Variants in TJP1 observed in about 807,000 individuals in gnomAD.
The protein encoded by TJP1 is tight junction protein ZO-1.
A neutral mutation model predicts 194.2 loss-of-function variants in TJP1; 43 were observed. That is an observed-to-expected ratio of 0.22 (90% CI 0.17 to 0.29). TJP1 has a LOEUF of 0.29. TJP1 is among the 10% of genes least tolerant of loss of function. The pLI, the probability that TJP1 is intolerant of heterozygous loss-of-function variation, is 1.00. For missense variants in TJP1, 1,971 were observed against 2,185.7 expected (o/e 0.90, Z 1.96); for synonymous variants, 801 against 779.0 (o/e 1.03, Z -0.47).
At chr15:29,767,136 G>A (rs1406283119) in intron 4 of TJP1, among the ~76,000 whole-genome samples, 1 of 152,186 alleles carries the variant, frequency 6.6e-6, no homozygotes, top group Non-Finnish European at 1.5e-5. Flanking sequence ...CAGTCTAGGT[G>A]CAAATTCTTC....
chr15:29,822,307 C>G lies in TJP1; in HGVS notation c.-279G>C. ...TCGGCCTCCCGCAGCTTTCGCAGCC[C>G]GGCCACGTCGGCCTCGCCCGGTCGC... On this transcript the variant is annotated 5_prime_UTR_variant, in exon 1 of 28. Transcript: ENST00000614355. 1.8e-6 allele frequency: 2 copies of G among 1,111,900 alleles called. No homozygotes were observed. The highest frequency in any genetic ancestry group is 1.1e-6 in the Non-Finnish European group (1 of 910,774). The allele number at this position is 1,111,900 out of a possible 1,614,324, so 68.9% of individuals were successfully genotyped here. A position where few individuals can be genotyped will look rare whatever the true frequency, so the allele number is the denominator to read the frequency against.
At chr15:29,784,753 G>A (rs1384395649) in intron 2 of TJP1, among the ~76,000 whole-genome samples, 2 of 152,260 alleles carry the variant, frequency 1.3e-5, no homozygotes, top group South Asian at 2.1e-4. Flanking sequence ...GAGATACATG[G>A]ATAGGACTGG....
chr15:29,791,275 C>A (rs2048063878), intron 2 of TJP1, among the ~76,000 whole-genome samples: 1 of 152,068 alleles, frequency 6.6e-6, no homozygotes, highest in South Asian at 2.1e-4. Context: ...GATCCGCTCA[C>A]CTTGCCCTCC....
intron 2 of TJP1, among the ~76,000 whole-genome samples, chr15:29,910,475 T>C (rs2152223323): frequency 6.6e-6 from 1 of 152,362 alleles, no homozygotes; most frequent in Admixed American, 6.5e-5. Flanking sequence ...TTTGAAAATA[T>C]TGTCTGGTAT....
At chr15:29,916,473 C>T (rs553923428) in intron 2 of TJP1, among the ~76,000 whole-genome samples, 139 of 151,772 alleles carry the variant, frequency 9.2e-4, no homozygotes, top group African/African-American at 3.2e-3. Flanking sequence ...TCACTGGAGG[C>T]TAACATCATC....
chr15:29,771,748 T>A (rs12899253), intron 4 of TJP1, among the ~76,000 whole-genome samples: 93,428 of 150,456 alleles, frequency 0.62, 30,376 homozygotes, highest in East Asian at 0.73. Flanking sequence ...GAGTTTGCAG[T>A]GAGCCGAGAC....
At chr15:29,893,885 G>GTT (rs1348586288) in intron 2 of TJP1, among the ~76,000 whole-genome samples, 2 of 152,062 alleles carry the variant, frequency 1.3e-5, no homozygotes, top group African/African-American at 4.8e-5. Context: ...GAAGTAATAG[G>GTT]TTTATACTTG....
Position 29,719,882 on chromosome 15 carries a change from A to C in TJP1, c.2898T>G (p.Ser966=), listed in dbSNP as rs2042823282. ...TTAAAGAATCAGCTTGTGGTGAGTA[A>C]GAGGTGGAAGGAGCTGGGGTGGGCT... The part of the protein sequence containing the change: ...LEEPTPAPST[S]YSPQADSLRT... The change falls in exon 20 of 28, where the codon TCT becomes TCG. Residue 966 remains serine, a synonymous_variant. Transcript: ENST00000614355. The C allele has an allele frequency of 6.2e-7, 1 of 1,614,068 alleles. No homozygotes were observed. Among genetic ancestry groups the C allele is most frequent in the South Asian group, 1.1e-5 (1 of 91,074 alleles).
chr15:29,744,538 AAT>A (rs995662786), intron 8 of TJP1, among the ~76,000 whole-genome samples: 2 of 152,202 alleles, frequency 1.3e-5, no homozygotes, highest in African/African-American at 4.8e-5. Flanking sequence ...GAAGCCAATA[AAT>A]ATATCTTGAA....
At chr15:29,902,817 C>T (rs577559857) in intron 2 of TJP1, among the ~76,000 whole-genome samples, 3 of 152,204 alleles carry the variant, frequency 2.0e-5, no homozygotes, top group South Asian at 2.1e-4. Context: ...GGGTGGATCA[C>T]GAGGTCAACA....
chr15:29,874,919 A>C (rs2052646164), intron 2 of TJP1, among the ~76,000 whole-genome samples: 1 of 152,252 alleles, frequency 6.6e-6, no homozygotes, highest in Non-Finnish European at 1.5e-5. Flanking sequence ...AATTACAAGA[A>C]GCAAATAATA....
At chr15:29,818,425 A>T (rs2050085627) in intron 1 of TJP1, among the ~76,000 whole-genome samples, 2 of 152,228 alleles carry the variant, frequency 1.3e-5, no homozygotes, top group African/African-American at 4.8e-5. Context: ...ACTTTCTAAT[A>T]ATCTTAAATC....
At chr15:29,727,565 C>A (rs1388294814) in intron 16 of TJP1, among the ~76,000 whole-genome samples, 3 of 152,186 alleles carry the variant, frequency 2.0e-5, no homozygotes, top group Non-Finnish European at 4.4e-5. Context: ...AGCCCTAACA[C>A]CGCAATCTGA....
At chr15:29,942,550 A>G (rs895471936) in intron 2 of TJP1, among the ~76,000 whole-genome samples, 3 of 152,244 alleles carry the variant, frequency 2.0e-5, no homozygotes, top group Non-Finnish European at 2.9e-5. Context: ...CTGCATTCAG[A>G]CTGGCCTCTG....
At chr15:29,779,979 G>GCCACCT (rs1567012030) in intron 2 of TJP1, among the ~76,000 whole-genome samples, 1 of 147,138 alleles carries the variant, frequency 6.8e-6, no homozygotes, top group East Asian at 2.0e-4. Flanking sequence ...AATCCTCCCC[G>GCCACCT]CCACCTCCCG....
chr15:29,702,264 A>G (rs2041595774), intron 27 of TJP1, among the ~76,000 whole-genome samples: 1 of 152,158 alleles, frequency 6.6e-6, no homozygotes, highest in South Asian at 2.1e-4. Context: ...ACAAGCAAAA[A>G]AACGAGACTG....
chr15:29,821,579 A>G (rs1434963934), intron 1 of TJP1: 1 of 152,288 alleles, frequency 6.6e-6, no homozygotes, highest in African/African-American at 2.4e-5. Context: ...CCACTCCTCC[A>G]AAGACAGCAG....
intron 2 of TJP1, among the ~76,000 whole-genome samples, chr15:29,860,317 T>C (rs767089353): frequency 6.6e-6 from 1 of 152,138 alleles, no homozygotes; most frequent in Non-Finnish European, 1.5e-5. Context: ...AGAAAGTAAT[T>C]ACAGGACACC....
intron 1 of TJP1, among the ~76,000 whole-genome samples, chr15:29,821,771 C>A (rs1194205946): frequency 6.7e-6 from 1 of 150,158 alleles, no homozygotes. Context: ...GGCGGCCGGG[C>A]GCCCGCAGCC....
Sources: allele counts gnomAD v4.1 joint callset (sites outside exome capture counted in the v4.1 genomes callset), GRCh38; gene constraint gnomAD v4.1.1; transcripts MANE v1.5; gene names NCBI Gene and HGNC (gene_info 2026-07-23, HGNC 2026-07-21).